HCLS1: variants seen among roughly 807,000 people sequenced by gnomAD.
The protein encoded by HCLS1 is hematopoietic lineage cell-specific protein.
Under a neutral mutation model 68.6 loss-of-function variants are expected in HCLS1, and 44 were observed. The observed-to-expected ratio is 0.64, with a 90% confidence interval of 0.50 to 0.82. HCLS1 has a LOEUF of 0.82. HCLS1 is among the 40% of genes least tolerant of loss of function. The pLI, the probability that HCLS1 is intolerant of heterozygous loss-of-function variation, is 0.00. For synonymous variants in HCLS1, 217 were observed against 225.8 expected (o/e 0.96, Z 0.35); for missense variants, 602 against 612.1 (o/e 0.98, Z 0.17).
At chr3:121,637,579 C>G (rs2049162252) in intron 6 of HCLS1, among the ~76,000 whole-genome samples, 1 of 152,062 alleles carries the variant, frequency 6.6e-6, no homozygotes. Context: ...AAATGTATGC[C>G]TTTCCCCTAC....
chr3:121,658,415 C>T (rs1185139323), intron 1 of HCLS1, 68 bp from the exon 2 acceptor site: 22 of 1,227,716 alleles, frequency 1.8e-5, no homozygotes, highest in Non-Finnish European at 2.6e-5. Flanking sequence ...AATAGGAATG[C>T]TGAAGTCAAA....
chr3:121,638,262 T>C (rs771568622), intron 6 of HCLS1, among the ~76,000 whole-genome samples: 10 of 152,114 alleles, frequency 6.6e-5, no homozygotes, highest in Non-Finnish European at 1.3e-4. Context: ...AGGATCTCAC[T>C]GTGTTGCCCA....
rs1043868722 is a variant in HCLS1, at chr3:121,632,387, C to T, written c.1185G>A (p.Gly395=). ...DRHEQEDEPE[G]DYEEVLEPED... is the part of the protein sequence containing the mutation. Reference sequence around the variant, plus strand: ...CAGGCTCGAGCACCTCCTCATAGTCCCCCTCTGGTTCATCCTCCTGCTCAT... The same window carrying T: ...CAGGCTCGAGCACCTCCTCATAGTCTCCCTCTGGTTCATCCTCCTGCTCAT... Residue 395 remains glycine (G), a synonymous_variant, in exon 12 of 14, where the codon GGG becomes GGA. Coordinates refer to ENST00000314583, the MANE Select transcript of HCLS1 (RefSeq NM_005335.6). The T allele has an allele frequency of 1.2e-6, 2 of 1,614,044 alleles. No homozygotes were observed. Among genetic ancestry groups the T allele is most frequent in the Non-Finnish European group, 8.5e-7 (1 of 1,180,006 alleles).
chr3:121,635,911 A>G, intron 8 of HCLS1, 107 bp from the exon 9 acceptor site: 2 of 813,004 alleles, frequency 2.5e-6, no homozygotes, highest in Non-Finnish European at 4.2e-6. Context: ...ATCCCTAACC[A>G]TTGGATGCTC....
intron 3 of HCLS1, among the ~76,000 whole-genome samples, chr3:121,655,035 T>C (rs1438783655): frequency 6.6e-6 from 1 of 152,224 alleles, no homozygotes; most frequent in African/African-American, 2.4e-5. Context: ...ATACCAGGCT[T>C]TCACTCCTTG....
chr3:121,644,329 G>A, intron 5 of HCLS1: 1 of 246,148 alleles, frequency 4.1e-6, no homozygotes, highest in South Asian at 5.2e-5. Flanking sequence ...TTGTACAAAG[G>A]AGTCTTTAAA....
At chr3:121,654,383 A>G (rs894998870) in intron 3 of HCLS1, 6 of 152,214 alleles carry the variant, frequency 3.9e-5, no homozygotes, top group African/African-American at 1.4e-4. Flanking sequence ...ATTTTTCCAG[A>G]AACTTAATTG....
At chr3:121,657,781 T>C (rs1342691529) in intron 2 of HCLS1, among the ~76,000 whole-genome samples, 1 of 152,044 alleles carries the variant, frequency 6.6e-6, no homozygotes, top group Non-Finnish European at 1.5e-5. Flanking sequence ...GAGCTGAGAT[T>C]GCACCACCGT....
chr3:121,631,643 G>T lies in HCLS1; in HGVS notation c.*203C>A. On this transcript the variant is annotated 3_prime_UTR_variant, in exon 14 of 14. Coordinates refer to ENST00000314583, the MANE Select transcript of HCLS1 (RefSeq NM_005335.6). ...AGGAACACAAGAGAAATGTTCATGA[G>T]CTCATCCAGGATAGAGAGGACTCTT... 1 of 575,574 alleles carries T rather than the reference G, an allele frequency of 1.7e-6. No homozygotes were observed. Among genetic ancestry groups the T allele is most frequent in the Non-Finnish European group, 3.1e-6 (1 of 323,410 alleles). The allele number at this position is 575,574 out of a possible 1,614,324, so 35.7% of individuals were successfully genotyped here. A position where few individuals can be genotyped will look rare whatever the true frequency, so the allele number is the denominator to read the frequency against.
chr3:121,635,851 T>C, intron 8 of HCLS1, 47 bp from the exon 9 acceptor site: 1 of 1,514,132 alleles, frequency 6.6e-7, no homozygotes, highest in Non-Finnish European at 9.2e-7. Flanking sequence ...GGGGCAAGGG[T>C]AGTGGTGACC....
In HCLS1 at chr3:121,631,554, C is replaced by G. The variant is rs1385963312; in HGVS notation, c.*292G>C. 2 of 343,956 alleles carry G rather than the reference C, an allele frequency of 5.8e-6. No individual in the cohort carries two copies. The highest frequency in any genetic ancestry group is 4.2e-5 in the African/African-American group (2 of 47,966). The allele number at this position is 343,956 out of a possible 1,614,324, so 21.3% of individuals were successfully genotyped here. On this transcript the variant is annotated 3_prime_UTR_variant, in exon 14 of 14. Transcript: ENST00000314583. The stretch of plus-strand genomic sequence containing the variant: ...TCCCGGGTAAACAAACTGGGAAGCC[C>G]AGAGCTCACAGAGGAGGAGAGCAGA...
chr3:121,654,463 A>C (rs1332459535), intron 3 of HCLS1, among the ~76,000 whole-genome samples: 1 of 152,188 alleles, frequency 6.6e-6, no homozygotes, highest in Non-Finnish European at 1.5e-5. Context: ...GGGAAAAGAC[A>C]CCCTTGAGTC....
chr3:121,640,075 G>C, intron 6 of HCLS1, among the ~76,000 whole-genome samples: 1 of 151,986 alleles, frequency 6.6e-6, no homozygotes, highest in East Asian at 1.9e-4. Flanking sequence ...AATGAAAATA[G>C]GCATTTCATA....
intron 11 of HCLS1, 64 bp downstream of exon 11, chr3:121,633,003 A>T: frequency 1.7e-6 from 2 of 1,157,816 alleles, no homozygotes; most frequent in Non-Finnish European, 2.6e-6. Flanking sequence ...CACCCTGCAC[A>T]GCCCACATTC....
chr3:121,645,029 C>T, intron 4 of HCLS1, 101 bp from the exon 5 acceptor site: 5 of 890,440 alleles, frequency 5.6e-6, no homozygotes, highest in Middle Eastern at 2.2e-4. Context: ...AAATTCCATT[C>T]TGGGTCAGAT....
intron 10 of HCLS1, 113 bp downstream of exon 10, chr3:121,634,094 T>C: frequency 6.5e-7 from 1 of 1,544,568 alleles, no homozygotes; most frequent in Non-Finnish European, 8.7e-7. Flanking sequence ...ACAACAGACC[T>C]TGCCTAACCC....
chr3:121,656,457 C>G (rs1451711426), intron 3 of HCLS1, among the ~76,000 whole-genome samples: 1 of 152,166 alleles, frequency 6.6e-6, no homozygotes, highest in Non-Finnish European at 1.5e-5. Flanking sequence ...TTAGATGATC[C>G]TGAATCATCC....
chr3:121,642,752 G>T (rs1024669334), intron 6 of HCLS1, among the ~76,000 whole-genome samples, 175 bp downstream of exon 6: 8 of 152,104 alleles, frequency 5.3e-5, no homozygotes, highest in Non-Finnish European at 1.0e-4. Context: ...CTCCCGCCTG[G>T]GTGACAGTGC....
At position 121,634,135 on chromosome 3, in the gene HCLS1, T is replaced by C. The variant is rs1576460466; in HGVS notation, c.903+72A>G. 9 of 1,592,622 alleles carry C rather than the reference T, an allele frequency of 5.7e-6. No homozygotes were observed. In the East Asian group the frequency reaches 1.6e-4, roughly 28 times the overall value. ...AGGACTTTGCCTTATTTTCTGCCAA[T>C]GGTTTGGACCCCTTAGGCTCCTGTC... On this transcript the variant is annotated intron_variant, in intron 10 of 13. Transcript: ENST00000314583.
Sources: allele counts gnomAD v4.1 joint callset (sites outside exome capture counted in the v4.1 genomes callset), GRCh38; gene constraint gnomAD v4.1.1; transcripts MANE v1.5; gene names NCBI Gene and HGNC (gene_info 2026-07-23, HGNC 2026-07-21).